The following GMDS variants were observed in gnomAD, a reference collection of about 807,000 sequenced individuals.
The protein encoded by GMDS is GDP-mannose 4,6-dehydratase, also known as GDP-mannose 4,6 dehydratase.
Under a neutral mutation model 49.9 loss-of-function variants are expected in GMDS, and 20 were observed. The ratio of observed to expected loss-of-function variants is 0.40; its 90% confidence interval spans 0.28 to 0.58. The LOEUF (loss-of-function observed/expected upper bound fraction) is 0.58, where lower values mean the gene tolerates loss of function less well. Ranked by LOEUF, GMDS falls within the 20% of genes least tolerant of loss-of-function variation. The pLI, the probability that GMDS is intolerant of heterozygous loss-of-function variation, is 0.42. For missense variants in GMDS, 362 were observed against 481.4 expected (o/e 0.75, Z 2.32); for synonymous variants, 177 against 178.6 (o/e 0.99, Z 0.07).
intron 4 of GMDS, among the ~76,000 whole-genome samples, chr6:2,022,846 AC>A (rs1768360018): frequency 6.8e-6 from 1 of 148,026 alleles, no homozygotes; most frequent in African/African-American, 2.7e-5. Flanking sequence ...TAGAACACAG[AC>A]AGAGAACTTC....
intron 9 of GMDS, among the ~76,000 whole-genome samples, chr6:1,670,987 G>C (rs1764403629): frequency 6.6e-6 from 1 of 152,152 alleles, no homozygotes; most frequent in African/African-American, 2.4e-5. Context: ...TGGCTGCAGG[G>C]CTTTTTGAAA....
chr6:2,105,464 A>T (rs150508541), intron 4 of GMDS, among the ~76,000 whole-genome samples: 25 of 152,260 alleles, frequency 1.6e-4, no homozygotes, highest in Non-Finnish European at 3.2e-4. Context: ...TCCTAAGATA[A>T]GTTAGTGTCA....
Position 2,227,924 on chromosome 6 carries a change from A to G in GMDS, c.102+17397T>C, listed in dbSNP as rs1780890740. ...AGGAAATATGGGTAGTTAACACATA[A>G]CCATGCTCAATGAGAGCCAACCTGT... On this transcript the variant is annotated intron_variant, in intron 1 of 10. Coordinates refer to ENST00000380815, the MANE Select transcript of GMDS (RefSeq NM_001500.4). 2.0e-5 allele frequency among the ~76,000 whole-genome samples: 3 copies of G among 152,244 alleles called. No homozygotes were observed. The South Asian group carries it at 6.2e-4, about 32-fold the overall frequency.
chr6:2,158,240 T>C (rs1777205927), intron 1 of GMDS, among the ~76,000 whole-genome samples: 1 of 152,192 alleles, frequency 6.6e-6, no homozygotes, highest in Non-Finnish European at 1.5e-5. Flanking sequence ...CATACATATA[T>C]AATAGTTTAA....
chr6:2,200,515 T>C (rs1257777640), intron 1 of GMDS, among the ~76,000 whole-genome samples: 1 of 140,088 alleles, frequency 7.1e-6, no homozygotes, highest in Non-Finnish European at 1.5e-5. Flanking sequence ...TGTAACCAAC[T>C]AGGCAGTGAG....
chr6:2,203,815 A>C (rs906725592), intron 1 of GMDS, among the ~76,000 whole-genome samples: 3 of 152,224 alleles, frequency 2.0e-5, no homozygotes, highest in African/African-American at 7.2e-5. Context: ...CAGGTGAAAC[A>C]TCATCGCAAT....
intron 7 of GMDS, among the ~76,000 whole-genome samples, chr6:1,924,629 T>C (rs1761901037): frequency 6.6e-6 from 1 of 152,182 alleles, no homozygotes; most frequent in Non-Finnish European, 1.5e-5. Context: ...ATACTGCCAT[T>C]TGTAGCAACC....
chr6:1,826,243 T>A (rs911471101), intron 7 of GMDS, among the ~76,000 whole-genome samples: 1 of 152,168 alleles, frequency 6.6e-6, no homozygotes, highest in Non-Finnish European at 1.5e-5. Flanking sequence ...GGCTACCACG[T>A]CACTACATGA....
intron 4 of GMDS, among the ~76,000 whole-genome samples, chr6:2,082,959 CA>C (rs1042731398): frequency 4.6e-5 from 7 of 152,344 alleles, no homozygotes; most frequent in African/African-American, 1.7e-4. Flanking sequence ...TTCTTCATCA[CA>C]AGATGTCTTT....
At chr6:1,651,722 C>T (rs1006791175) in intron 9 of GMDS, among the ~76,000 whole-genome samples, 3 of 152,182 alleles carry the variant, frequency 2.0e-5, no homozygotes, top group Admixed American at 2.0e-4. Flanking sequence ...TCCGTGCCAA[C>T]CTCTCCATCC....
intron 9 of GMDS, among the ~76,000 whole-genome samples, chr6:1,695,072 TA>T (rs34615827): frequency 6.6e-6 from 1 of 151,166 alleles, no homozygotes; most frequent in Non-Finnish European, 1.5e-5. Context: ...ATGAGCAAAT[TA>T]AAAAAAAATA....
chr6:1,644,402 A>C (rs977674716), intron 9 of GMDS, among the ~76,000 whole-genome samples: 2 of 152,156 alleles, frequency 1.3e-5, no homozygotes, highest in African/African-American at 4.8e-5. Context: ...CCATTGCCAT[A>C]AATAGGCTGC....
intron 7 of GMDS, among the ~76,000 whole-genome samples, chr6:1,904,483 A>G (rs755705871): frequency 2.0e-5 from 3 of 152,238 alleles, no homozygotes; most frequent in Non-Finnish European, 4.4e-5. Flanking sequence ...AGGCAGACAG[A>G]ATAAGTCAAA....
intron 10 of GMDS, 103 bp downstream of exon 10, chr6:1,624,369 G>C (rs552489764): frequency 7.6e-7 from 1 of 1,313,930 alleles, no homozygotes; most frequent in Admixed American, 1.9e-5. Flanking sequence ...CCCGCCTTCC[G>C]GGCTTTGGGC....
intron 7 of GMDS, among the ~76,000 whole-genome samples, chr6:1,881,730 G>A (rs1453142252): frequency 6.6e-6 from 1 of 152,150 alleles, no homozygotes; most frequent in African/African-American, 2.4e-5. Flanking sequence ...AAATCCAACT[G>A]AGTTGACTGG....
intron 4 of GMDS, among the ~76,000 whole-genome samples, chr6:2,000,206 T>C (rs1766709910): frequency 6.8e-6 from 1 of 147,454 alleles, no homozygotes; most frequent in South Asian, 2.2e-4. Flanking sequence ...CGGCTAATTT[T>C]TTGTATTTTT....
At chr6:2,228,989 G>A (rs1278431978) in intron 1 of GMDS, among the ~76,000 whole-genome samples, 1 of 152,150 alleles carries the variant, frequency 6.6e-6, no homozygotes. Context: ...GATGAAGTGG[G>A]GAAAGGGAAG....
At chr6:1,837,586 G>T (rs1005408391) in intron 7 of GMDS, among the ~76,000 whole-genome samples, 3 of 152,084 alleles carry the variant, frequency 2.0e-5, no homozygotes, top group Admixed American at 6.5e-5. Context: ...CCTAGTAAAG[G>T]AAGTTACTGG....
At chr6:1,842,645 C>T (rs138680578) in intron 7 of GMDS, among the ~76,000 whole-genome samples, 1,571 of 152,204 alleles carry the variant, frequency 0.01, 21 homozygotes, top group Middle Eastern at 0.037. Context: ...CTCCAAATGT[C>T]GGATTACAGG....
Sources: allele counts gnomAD v4.1 joint callset (sites outside exome capture counted in the v4.1 genomes callset), GRCh38; gene constraint gnomAD v4.1.1; transcripts MANE v1.5; gene names NCBI Gene and HGNC (gene_info 2026-07-23, HGNC 2026-07-21).